The following TRIP11 variants were observed in gnomAD, a reference collection of about 807,000 sequenced individuals.
TRIP11 encodes the protein thyroid hormone receptor interactor 11.
In TRIP11, 148 loss-of-function variants were observed where a neutral mutation model predicts 223.1. The observed-to-expected ratio is 0.66, with a 90% CI of 0.58 to 0.76. The LOEUF (loss-of-function observed/expected upper bound fraction) is 0.76. Among genes scored for constraint, TRIP11 ranks in the 30% least tolerant of loss-of-function variants. The pLI is 0.00. For missense variants in TRIP11, 2,043 were observed against 2,222.0 expected (o/e 0.92, Z 1.62); for synonymous variants, 762 against 772.6 (o/e 0.99, Z 0.23).
chr14:92,023,140 CCCTCTAATAT>C (rs1314336452), intron 3 of TRIP11, among the ~76,000 whole-genome samples: 1 of 152,078 alleles, frequency 6.6e-6, no homozygotes, highest in African/African-American at 2.4e-5. Context: ...GCTTAATGTG[CCCTCTAATAT>C]CGATAGTTAA....
intron 2 of TRIP11, 91 bp from the exon 3 acceptor site, chr14:92,025,511 C>CCCCG: frequency 1.2e-6 from 1 of 840,596 alleles, no homozygotes; most frequent in African/African-American, 1.8e-5. Context: ...TACTGCTTTC[C>CCCCG]CCCCCCAAAA....
chr14:91,999,540 C>T lies in TRIP11; in HGVS notation c.4699-107G>A, dbSNP rs956851648. The T allele has an allele frequency of 5.0e-6, 6 of 1,189,962 alleles. No homozygotes were observed. In the Admixed American group the frequency reaches 1.0e-4, roughly 21 times the overall value. The allele number at this position is 1,189,962 out of a possible 1,614,324, so 73.7% of individuals were successfully genotyped here. A position where few individuals can be genotyped will look rare whatever the true frequency, so the allele number is the denominator to read the frequency against. The stretch of plus-strand genomic sequence containing the variant: ...CATTATTGAAGATATTAATTGTATA[C>T]CAATTTCTCATACTGCAAAATGTAT... On this transcript the variant is annotated intron_variant, in intron 12 of 20. Coordinates refer to ENST00000267622, the MANE Select transcript of TRIP11 (RefSeq NM_004239.4).
intron 14 of TRIP11, 141 bp downstream of exon 14, chr14:91,995,211 G>T: frequency 1.1e-6 from 1 of 871,894 alleles, no homozygotes; most frequent in South Asian, 1.5e-5. Flanking sequence ...TTAACTTTTT[G>T]ATGGCTACTC....
chr14:92,020,882 C>T (rs1232279067), intron 4 of TRIP11, among the ~76,000 whole-genome samples: 1 of 150,548 alleles, frequency 6.6e-6, no homozygotes, highest in East Asian at 2.0e-4. Flanking sequence ...CCAGCCTGGC[C>T]AACATAGTGA....
chr14:92,022,729 GGAA>G (rs2057129855), intron 3 of TRIP11, among the ~76,000 whole-genome samples: 1 of 152,140 alleles, frequency 6.6e-6, no homozygotes, highest in Non-Finnish European at 1.5e-5. Flanking sequence ...TTTGATATTA[GGAA>G]GACAGCCAAC....
intron 3 of TRIP11, among the ~76,000 whole-genome samples, chr14:92,024,141 G>A (rs1037297929): frequency 6.6e-6 from 1 of 152,110 alleles, no homozygotes; most frequent in Non-Finnish European, 1.5e-5. Flanking sequence ...ACTTTGGGAG[G>A]CCAAGGCGGG....
At chr14:91,988,017 C>G (rs934070996) in intron 16 of TRIP11, among the ~76,000 whole-genome samples, 6 of 152,152 alleles carry the variant, frequency 3.9e-5, no homozygotes, top group African/African-American at 1.4e-4. Context: ...TCCAATCAAC[C>G]CCTCTGATGG....
At position 92,004,329 on chromosome 14, in the gene TRIP11, T is replaced by A. The variant is rs1456270000; in HGVS notation, c.3647A>T (p.Gln1216Leu). The change falls in exon 11 of 21, where the codon CAG (glutamine) becomes CTG (leucine). Residue 1216 changes from glutamine to leucine, a missense_variant. Physicochemically the swap from Gln to Leu is moderately radical, Grantham distance 113. Coordinates refer to ENST00000267622, the MANE Select transcript of TRIP11 (RefSeq NM_004239.4). ...ELLQERDKLK[Q>L]QVKKMEEWKQ... is the part of the protein sequence containing the mutation. ...CCACTCTTCCATTTTCTTTACTTGCTGTTTTAACTTGTCACGTTCCTGTAG... is the reference window on the plus strand; with the variant it reads ...CCACTCTTCCATTTTCTTTACTTGCAGTTTTAACTTGTCACGTTCCTGTAG... 1 of 1,614,150 alleles carries A rather than the reference T, an allele frequency of 6.2e-7. No individual in the cohort carries two copies. The highest frequency in any genetic ancestry group is 1.1e-5 in the South Asian group (1 of 91,080).
At position 91,999,964 on chromosome 14, in the gene TRIP11, A is replaced by T. The variant is rs1199753088; in HGVS notation, c.4698+4T>A. ...TTCATAATTCTTTTAAAGTGAAAGT[A>T]TACCTCATTCTGTAGGGCAGTATTT... On this transcript the variant is annotated splice_donor_region_variant and intron_variant, in intron 12 of 20. Transcript: ENST00000267622. 6.2e-7 allele frequency: 1 copy of T among 1,613,828 alleles called. No homozygotes were observed. The highest frequency in any genetic ancestry group is 1.7e-5 in the Admixed American group (1 of 60,004).
At chr14:92,013,388 T>C (rs1361945954) in intron 7 of TRIP11, among the ~76,000 whole-genome samples, 6 of 152,242 alleles carry the variant, frequency 3.9e-5, no homozygotes, top group Non-Finnish European at 2.9e-5. Flanking sequence ...GAAGATACCA[T>C]TATTATCCCA....
Position 92,007,824 on chromosome 14 carries a change from A to C in TRIP11, c.1343T>G (p.Leu448Trp), listed in dbSNP as rs1431618232. Residue 448 changes from leucine to tryptophan, a missense_variant, in exon 10 of 21, where the codon TTG becomes TGG. Coordinates refer to ENST00000267622, the MANE Select transcript of TRIP11 (RefSeq NM_004239.4). ...KEELQMSLLK[L>W]NNEYEVIKST... ...TTTAATTACTTCATATTCATTGTTC[A>C]ATTTTAAAAGTGACATCTGAAGTTC... 2.5e-6 allele frequency: 4 copies of C among 1,612,042 alleles called. No homozygotes were observed. Among genetic ancestry groups the C allele is most frequent in the African/African-American group, 1.3e-5 (1 of 75,028 alleles).
Position 91,999,298 on chromosome 14 carries a change from T to A in TRIP11, c.4834A>T (p.Lys1612Ter). 6.2e-7 allele frequency: 1 copy of A among 1,613,938 alleles called. No individual in the cohort carries two copies. The highest frequency in any genetic ancestry group is 8.5e-7 in the Non-Finnish European group (1 of 1,179,912). ...AGCTTTTCCTCCAATACTGTGACTT[T>A]CTTTCTTAGTTTAGCCTCTCTATCT... Reference protein sequence around the residue: ...AEDREAKLRKKVTVLEEKLVS... With the variant: ...AEDREAKLRK Residue 1612 changes from lysine (K) to a stop codon, truncating the protein, a stop_gained, in exon 13 of 21, where the codon AAA (lysine) becomes TAA (stop). Transcript: ENST00000267622. LOFTEE classifies it high-confidence loss of function.
Position 92,021,647 on chromosome 14 carries a change from T to G in TRIP11, c.497A>C (p.Asp166Ala). The G allele has an allele frequency of 1.2e-6, 2 of 1,614,164 alleles. No individual in the cohort carries two copies. The highest frequency in any genetic ancestry group is 1.7e-6 in the Non-Finnish European group (2 of 1,180,020). ...AFHDDDMDFG[D>A]IISSQQEINR... ...TATTTCTTGTTGGGATGAAATTATA[T>G]CACCAAAGTCCATGTCATCGTCATG... is the stretch of plus-strand genomic sequence containing the variant. The change falls in exon 4 of 21, where the codon GAT becomes GCT. Residue 166 changes from aspartate (D) to alanine (A), a missense_variant. Coordinates refer to ENST00000267622, the MANE Select transcript of TRIP11 (RefSeq NM_004239.4).
At chr14:91,991,688 T>C (rs2056674285) in intron 15 of TRIP11, among the ~76,000 whole-genome samples, 1 of 152,182 alleles carries the variant, frequency 6.6e-6, no homozygotes, top group Admixed American at 6.5e-5. Context: ...AAATTATATA[T>C]TAATGCAATG....
chr14:92,019,061 G>C (rs575034109), intron 4 of TRIP11, among the ~76,000 whole-genome samples: 1 of 151,590 alleles, frequency 6.6e-6, no homozygotes, highest in East Asian at 1.9e-4. Context: ...TAATATATTG[G>C]GATAATACAT....
In TRIP11 at chr14:91,993,820, T is replaced by A. The variant is rs146963789; in HGVS notation, c.5149A>T (p.Ile1717Leu). The stretch of plus-strand genomic sequence containing the variant: ...CTATTTTGTCCTACCTGTAATGATA[T>A]CACTTTTCCTTCCAGATTTTCTGCG... ...KNAENLEGKV[I>L]SLQECLDEAN... The change falls in exon 15 of 21, where the codon ATA becomes TTA. Residue 1717 changes from isoleucine to leucine, a missense_variant. Coordinates refer to ENST00000267622, the MANE Select transcript of TRIP11 (RefSeq NM_004239.4). 8.1e-5 allele frequency: 131 copies of A among 1,613,132 alleles called. No individual in the cohort carries two copies. Among genetic ancestry groups the A allele is most frequent in the Non-Finnish European group, 1.0e-4 (120 of 1,179,330 alleles).
Position 91,966,387 on chromosome 14 carries a change from A to C in TRIP11, c.*3286T>G, listed in dbSNP as rs2056342517. 5.4e-6 allele frequency: 1 copy of C among 185,592 alleles called. No homozygotes were observed. The highest frequency in any genetic ancestry group is 2.0e-4 in the South Asian group (1 of 5,106). The allele number at this position is 185,592 out of a possible 1,614,324, so 11.5% of individuals were successfully genotyped here. A position where few individuals can be genotyped will look rare whatever the true frequency, so the allele number is the denominator to read the frequency against. ...TTAAAGATAAATTTTTGTGGATGGA[A>C]GATGTCTTGAATACTTCAATATGTG... On this transcript the variant is annotated 3_prime_UTR_variant, in exon 21 of 21. Transcript: ENST00000267622.
At chr14:92,024,201 A>T (rs995741384) in intron 3 of TRIP11, among the ~76,000 whole-genome samples, 1 of 152,088 alleles carries the variant, frequency 6.6e-6, no homozygotes, top group Admixed American at 6.5e-5. Context: ...AACGTGGTGA[A>T]ACCCCATCTC....
At position 92,011,846 on chromosome 14, in the gene TRIP11, T is replaced by G. The variant is rs759119824; in HGVS notation, c.1187-51A>C. 3.2e-6 allele frequency: 5 copies of G among 1,548,314 alleles called. No individual in the cohort carries two copies. The South Asian group carries it at 5.6e-5, about 17-fold the overall frequency. On this transcript the variant is annotated intron_variant, in intron 7 of 20. Transcript: ENST00000267622. ...CATTAAAATTATTTAGAGTAACTTA[T>G]TATCTTCAATATTAAACTCAGAAAT...
Sources: allele counts gnomAD v4.1 joint callset (sites outside exome capture counted in the v4.1 genomes callset), GRCh38; gene constraint gnomAD v4.1.1; transcripts MANE v1.5; gene names NCBI Gene and HGNC (gene_info 2026-07-23, HGNC 2026-07-21).